Variants in BLTP3B observed in about 807,000 individuals in gnomAD.
The protein encoded by BLTP3B is UHRF1 (ICBP90) binding protein 1-like.
chr12:100,138,168 C>T, the BLTP3B span, among the ~76,000 whole-genome samples: 61 of 152,300 alleles, frequency 4.0e-4, 1 homozygote, highest in African/African-American at 1.3e-3. Flanking sequence ...GCCAATGATG[C>T]CAAGGTTAAA....
the BLTP3B span, among the ~76,000 whole-genome samples, chr12:100,080,853 C>G: frequency 6.9e-6 from 1 of 144,792 alleles, no homozygotes; most frequent in African/African-American, 2.5e-5. Context: ...GGCTGTGTCC[C>G]CACCCAAATT....
the BLTP3B span, among the ~76,000 whole-genome samples, chr12:100,067,903 T>C: frequency 6.6e-6 from 1 of 152,178 alleles, no homozygotes; most frequent in Non-Finnish European, 1.5e-5. Context: ...GGAATCAATA[T>C]TGGGAAAATG....
At chr12:100,067,635 A>T in the BLTP3B span, among the ~76,000 whole-genome samples, 1 of 152,198 alleles carries the variant, frequency 6.6e-6, no homozygotes, top group Non-Finnish European at 1.5e-5. Flanking sequence ...AGCTTAAATC[A>T]GGAAGAATTA....
At chr12:100,109,785 G>C in the BLTP3B span, among the ~76,000 whole-genome samples, 1 of 143,690 alleles carries the variant, frequency 7.0e-6, no homozygotes, top group African/African-American at 2.6e-5. Flanking sequence ...AAAAAAAAAA[G>C]ATTGGAAATA....
the BLTP3B span, chr12:100,069,821 G>A: frequency 2.8e-5 from 13 of 466,780 alleles, no homozygotes; most frequent in South Asian, 8.3e-4. Context: ...ACTTACTTAT[G>A]TAACAAAACA....
At chr12:100,102,758 T>C in the BLTP3B span, 3 of 1,583,538 alleles carry the variant, frequency 1.9e-6, no homozygotes, top group Admixed American at 1.8e-5. Context: ...TTAATGGAAG[T>C]AGCTTACCTT....
chr12:100,108,542 G>T, the BLTP3B span: 1 of 1,603,134 alleles, frequency 6.2e-7, no homozygotes, highest in Non-Finnish European at 8.5e-7. Flanking sequence ...ATAAATTTTT[G>T]GTAAATCTGA....
At chr12:100,052,622 G>A in the BLTP3B span, among the ~76,000 whole-genome samples, 5 of 152,008 alleles carry the variant, frequency 3.3e-5, no homozygotes, top group African/African-American at 7.2e-5. Context: ...GAAGTATAAC[G>A]AGCACATGGG....
chr12:100,131,551 T>C, the BLTP3B span, among the ~76,000 whole-genome samples: 1 of 152,106 alleles, frequency 6.6e-6, no homozygotes, highest in Non-Finnish European at 1.5e-5. Flanking sequence ...TCAAAGTTTA[T>C]ACACAACATT....
the BLTP3B span, among the ~76,000 whole-genome samples, chr12:100,124,373 C>A: frequency 3.5e-4 from 52 of 149,784 alleles, no homozygotes; most frequent in African/African-American, 1.3e-3. Context: ...GAGGCTGAGG[C>A]AAGGAGGACT....
chr12:100,142,809 C>A, the BLTP3B span: 1 of 945,330 alleles, frequency 1.1e-6, no homozygotes, highest in African/African-American at 1.8e-5. Flanking sequence ...GAACCCGGAG[C>A]ATCACGCTCA....
the BLTP3B span, among the ~76,000 whole-genome samples, chr12:100,130,982 G>GGGGAGAGAGA: frequency 4.8e-5 from 3 of 62,222 alleles, no homozygotes; most frequent in Non-Finnish European, 8.7e-5. Context: ...AGAGAGGGAG[G>GGGGAGAGAGA]GAGAGAGAGA....
At chr12:100,054,681 T>A in the BLTP3B span, among the ~76,000 whole-genome samples, 1 of 152,172 alleles carries the variant, frequency 6.6e-6, no homozygotes, top group Non-Finnish European at 1.5e-5. Flanking sequence ...TTAAGTGATA[T>A]GCTGGAAAGA....
the BLTP3B span, chr12:100,098,444 C>T: frequency 1.9e-6 from 3 of 1,613,964 alleles, no homozygotes; most frequent in Non-Finnish European, 2.5e-6. Flanking sequence ...TGAGAAAGTT[C>T]AAATGATGCA....
chr12:100,100,940 T>C, the BLTP3B span, among the ~76,000 whole-genome samples: 353 of 152,190 alleles, frequency 2.3e-3, 8 homozygotes, highest in East Asian at 0.04. Flanking sequence ...ATGAGGATGA[T>C]TTAAATAGTT....
the BLTP3B span, among the ~76,000 whole-genome samples, chr12:100,073,785 T>A: frequency 6.6e-6 from 1 of 152,128 alleles, no homozygotes; most frequent in Non-Finnish European, 1.5e-5. Flanking sequence ...ATTATCTCAA[T>A]AGGCAAAGAA....
chr12:100,113,869 G>A, the BLTP3B span, among the ~76,000 whole-genome samples: 1 of 151,874 alleles, frequency 6.6e-6, no homozygotes, highest in South Asian at 2.1e-4. Flanking sequence ...ATGTTACAGG[G>A]AATTTAACAA....
chr12:100,094,071 C>A, the BLTP3B span, among the ~76,000 whole-genome samples: 1 of 152,250 alleles, frequency 6.6e-6, no homozygotes, highest in South Asian at 2.1e-4. Flanking sequence ...TCCCTTACTT[C>A]TTCATGCTAA....
the BLTP3B span, chr12:100,060,153 A>C: frequency 1.2e-6 from 1 of 850,404 alleles, no homozygotes; most frequent in Non-Finnish European, 1.7e-6. Context: ...AGATAAAACA[A>C]ATTTGAGGTA....
Sources: gnomAD v4.1 joint callset for allele counts (sites outside exome capture counted in the v4.1 genomes callset) on GRCh38, gnomAD v4.1.1 for gene constraint, MANE v1.5 for transcripts, NCBI Gene and HGNC (gene_info 2026-07-23, HGNC 2026-07-21) for gene names.